MICOS10: variants seen among roughly 807,000 people sequenced by gnomAD.
MICOS10 encodes MICOS complex subunit MIC10.
Under a neutral mutation model 13.4 loss-of-function variants are expected in MICOS10, and 5 were observed. That is an observed-to-expected ratio of 0.37 (90% confidence interval 0.20 to 0.78). The LOEUF is 0.78. Ranked by LOEUF, MICOS10 falls within the 30% of genes least tolerant of loss-of-function variation. MICOS10 has a pLI of 0.47. For missense variants in MICOS10, 101 were observed against 94.6 expected (o/e 1.07, Z -0.28); for synonymous variants, 35 against 33.6 (o/e 1.04, Z -0.15).
chr1:19,611,408 T>C (rs1425244084), intron 1 of MICOS10, among the ~76,000 whole-genome samples: 2 of 151,774 alleles, frequency 1.3e-5, no homozygotes, highest in African/African-American at 4.9e-5. Context: ...CTACTAATTC[T>C]ATGTATTCCC....
chr1:19,608,628 A>T (rs766389352), intron 1 of MICOS10: 22 of 710,554 alleles, frequency 3.1e-5, no homozygotes, highest in Non-Finnish European at 3.0e-5. Context: ...AATAAATAAA[A>T]AAAGTGAAAC....
intron 1 of MICOS10, among the ~76,000 whole-genome samples, 185 bp downstream of exon 1, chr1:19,597,294 C>T (rs1046814584): frequency 2.0e-5 from 3 of 152,172 alleles, no homozygotes; most frequent in Non-Finnish European, 4.4e-5. Flanking sequence ...GGCACAGACC[C>T]GAGGAGCCGG....
Position 19,597,075 on chromosome 1 carries a change from G to T in MICOS10, c.30G>T (p.Trp10Cys), listed in dbSNP as rs1374006209. The T allele has an allele frequency of 6.3e-7, 1 of 1,597,286 alleles. No individual in the cohort carries two copies. Among genetic ancestry groups the T allele is most frequent in the Non-Finnish European group, 8.5e-7 (1 of 1,173,768 alleles). The change falls in exon 1 of 4, where the codon TGG becomes TGT. Residue 10 changes from tryptophan to cysteine, a missense_variant. Transcript: ENST00000322753. ...CTGAGTCGGAGCTCGGCAGGAAGTG[G>T]GACCGGTGTCTGGCGGATGCGGTCG... is the stretch of plus-strand genomic sequence containing the variant. MSESELGRK[W>C]DRCLADAVVK...
chr1:19,620,686 G>A (rs896073293), intron 1 of MICOS10, among the ~76,000 whole-genome samples: 1 of 152,130 alleles, frequency 6.6e-6, no homozygotes, highest in Admixed American at 6.5e-5. Context: ...GGGTGGTTGG[G>A]CATATATCTG....
intron 1 of MICOS10, among the ~76,000 whole-genome samples, chr1:19,614,253 A>T (rs72959460): frequency 0.021 from 3,123 of 151,626 alleles, 108 homozygotes; most frequent in African/African-American, 0.071. Context: ...AAGTAGCATC[A>T]TTGTTTTATA....
chr1:19,607,069 A>T (rs184495952), intron 1 of MICOS10, among the ~76,000 whole-genome samples: 2 of 152,376 alleles, frequency 1.3e-5, no homozygotes, highest in Admixed American at 1.3e-4. Flanking sequence ...TCATGGAGTG[A>T]TATCAATTAG....
Position 19,597,026 on chromosome 1 carries a change from T to A in MICOS10, c.-20T>A. 6.3e-7 allele frequency: 1 copy of A among 1,575,674 alleles called. No individual in the cohort carries two copies. Among genetic ancestry groups the A allele is most frequent in the Non-Finnish European group, 8.6e-7 (1 of 1,164,640 alleles). ...CGCGGGGGCCGGCCGAGAGGAAAGCTGGAGGCGCGGGTGGGGAACATGTCT... is the reference window on the plus strand; with the variant it reads ...CGCGGGGGCCGGCCGAGAGGAAAGCAGGAGGCGCGGGTGGGGAACATGTCT... On this transcript the variant is annotated 5_prime_UTR_variant, in exon 1 of 4. Transcript: ENST00000322753.
At chr1:19,605,478 T>G (rs1177799342) in intron 1 of MICOS10, among the ~76,000 whole-genome samples, 1 of 152,210 alleles carries the variant, frequency 6.6e-6, no homozygotes, top group East Asian at 1.9e-4. Flanking sequence ...GAGTCTCCTA[T>G]GCTGGACATT....
In MICOS10 at chr1:19,602,364, C is replaced by T. The variant is rs1236180476; in HGVS notation, c.64+5255C>T. Among the ~76,000 whole-genome samples, 6 of 152,256 alleles carry T rather than the reference C, an allele frequency of 3.9e-5. No homozygotes were observed. In the East Asian group the frequency reaches 9.6e-4, roughly 24 times the overall value. On this transcript the variant is annotated intron_variant, in intron 1 of 3. Coordinates refer to ENST00000322753, the MANE Select transcript of MICOS10 (RefSeq NM_001032363.4). Reference sequence around the variant, plus strand: ...CCGTTCACATGTTTGATCATGTATCCTTGTGTTCTTGGGACTTATACCAAC... The same window carrying T: ...CCGTTCACATGTTTGATCATGTATCTTTGTGTTCTTGGGACTTATACCAAC...
At chr1:19,610,669 T>C (rs906343344) in intron 1 of MICOS10, among the ~76,000 whole-genome samples, 1 of 152,124 alleles carries the variant, frequency 6.6e-6, no homozygotes, top group African/African-American at 2.4e-5. Context: ...TTTATAGTTA[T>C]TGTAACACTC....
chr1:19,616,666 A>C (rs6681861), intron 1 of MICOS10, among the ~76,000 whole-genome samples: 1 of 152,232 alleles, frequency 6.6e-6, no homozygotes, highest in Admixed American at 6.5e-5. Flanking sequence ...TGTTGTATGT[A>C]ACAAGAGACA....
chr1:19,601,384 G>T, intron 1 of MICOS10: 1 of 198,820 alleles, frequency 5.0e-6, no homozygotes, highest in South Asian at 8.4e-5. Context: ...GTCGAGACCA[G>T]CCTGGGCAAC....
chr1:19,599,596 G>A (rs2094806211), intron 1 of MICOS10, among the ~76,000 whole-genome samples: 1 of 152,164 alleles, frequency 6.6e-6, no homozygotes, highest in South Asian at 2.1e-4. Flanking sequence ...TTCAATAAGA[G>A]TGTGGAAGGG....
chr1:19,613,359 A>G (rs1031336037), intron 1 of MICOS10, among the ~76,000 whole-genome samples: 4 of 152,178 alleles, frequency 2.6e-5, no homozygotes, highest in African/African-American at 9.7e-5. Context: ...CTTATTGCTT[A>G]CAGGGTAGAG....
rs1386108054 is a variant in MICOS10 at position 19,623,576 on chromosome 1, A to G, written c.215A>G (p.Tyr72Cys). 5 of 1,578,142 alleles carry G rather than the reference A, an allele frequency of 3.2e-6. 1 individual carries two copies. The South Asian group carries it at 5.5e-5, about 17-fold the overall frequency. ...GCTCCATATCTTCTACATGGAAAAT[A>G]TGTCAAAGTATGTACAGAATATATA... ...FQAPYLLHGK[Y>C]VKEQEQ The change falls in exon 3 of 4, where the codon TAT becomes TGT. Residue 72 changes from tyrosine (Y) to cysteine (C), a missense_variant. Physicochemically the swap from Tyr to Cys is radical, Grantham distance 194. Transcript: ENST00000322753.
At chr1:19,622,539 A>G (rs1302322954) in intron 2 of MICOS10, among the ~76,000 whole-genome samples, 1 of 152,236 alleles carries the variant, frequency 6.6e-6, no homozygotes, top group African/African-American at 2.4e-5. Flanking sequence ...CCAGAAATAC[A>G]CATACTTCTT....
chr1:19,607,375 C>G (rs1176136197), intron 1 of MICOS10, among the ~76,000 whole-genome samples: 1 of 152,122 alleles, frequency 6.6e-6, no homozygotes, highest in Non-Finnish European at 1.5e-5. Context: ...TGGCCTGTAA[C>G]AGTTTATTAG....
At chr1:19,619,041 T>G (rs1353909155) in intron 1 of MICOS10, among the ~76,000 whole-genome samples, 1 of 152,234 alleles carries the variant, frequency 6.6e-6, no homozygotes. Flanking sequence ...GTCTTAATAA[T>G]TGCCATAAGT....
intron 1 of MICOS10, chr1:19,608,359 C>T (rs755916800): frequency 4.7e-6 from 6 of 1,276,190 alleles, no homozygotes; most frequent in Admixed American, 3.4e-5. Flanking sequence ...AGGATGTGGC[C>T]CAGAGGTGCA....
Sources: gnomAD v4.1 joint callset for allele counts (sites outside exome capture counted in the v4.1 genomes callset) on GRCh38, gnomAD v4.1.1 for gene constraint, MANE v1.5 for transcripts, NCBI Gene and HGNC (gene_info 2026-07-23, HGNC 2026-07-21) for gene names.